The following LRP2 variants were observed in gnomAD, a reference collection of about 807,000 sequenced individuals.
LRP2 encodes LDL receptor related protein 2.
In LRP2, 172 loss-of-function variants were observed where a neutral mutation model predicts 531.0. That is an observed-to-expected ratio of 0.32 (90% CI 0.29 to 0.37). LRP2 has a LOEUF of 0.37. Among genes scored for constraint, LRP2 ranks in the 10% least tolerant of loss-of-function variants. The pLI is 1.00. For synonymous variants in LRP2, 1,992 were observed against 2,027.6 expected, an observed-to-expected ratio of 0.98 and a Z score of 0.47; for missense variants, 5,167 against 5,868.3, an observed-to-expected ratio of 0.88 and a Z score of 3.90.
At chr2:169,157,957 T>TAAATAAATAAAA (rs568534822) in intron 63 of LRP2, among the ~76,000 whole-genome samples, 5,704 of 145,878 alleles carry the variant, frequency 0.039, 173 homozygotes, top group Middle Eastern at 0.062. Context: ...AATAAATAAA[T>TAAATAAATAAAA]AAAAGACATG....
chr2:169,201,365 A>C (rs547840487), intron 44 of LRP2, among the ~76,000 whole-genome samples: 2 of 152,322 alleles, frequency 1.3e-5, no homozygotes, highest in African/African-American at 4.8e-5. Context: ...AGGCATTATA[A>C]TGGCATGGTA....
At chr2:169,261,804 T>C (rs149133693) in intron 16 of LRP2, among the ~76,000 whole-genome samples, 1,606 of 152,182 alleles carry the variant, frequency 0.011, 25 homozygotes, top group African/African-American at 0.037. Flanking sequence ...CAGAGCATTT[T>C]AGACCAATAT....
intron 19 of LRP2, among the ~76,000 whole-genome samples, chr2:169,255,493 C>G (rs992344974): frequency 1.2e-4 from 18 of 151,186 alleles, no homozygotes; most frequent in African/African-American, 3.4e-4. Flanking sequence ...GCAATCTTCA[C>G]TAGTAGCATG....
intron 29 of LRP2, 104 bp downstream of exon 29, chr2:169,235,736 T>G (rs1369709549): frequency 4.7e-6 from 4 of 852,802 alleles, no homozygotes; most frequent in South Asian, 4.3e-5. Context: ...GATCTGACAA[T>G]GTCTATGACA....
Position 169,289,212 on chromosome 2 carries a change from C to T in LRP2, c.923-67G>A, listed in dbSNP as rs186474194. On this transcript the variant is annotated intron_variant, in intron 8 of 78. Transcript: ENST00000649046. ...TGGACAAGACTGATTAATCTAATAG[C>T]TTCTTTTTCCATGAGTAGCAGCTCA... 160 of 1,595,656 alleles carry T rather than the reference C, an allele frequency of 1.0e-4. No homozygotes were observed. In the African/African-American group the frequency reaches 1.8e-3, roughly 18 times the overall value.
intron 1 of LRP2, among the ~76,000 whole-genome samples, chr2:169,347,299 T>C (rs557313476): frequency 7.2e-4 from 109 of 152,332 alleles, no homozygotes; most frequent in African/African-American, 2.6e-3. Flanking sequence ...TAGTGAGAGA[T>C]ACTTTGGGAC....
chr2:169,183,109 C>T (rs557454372), intron 50 of LRP2, among the ~76,000 whole-genome samples: 101 of 152,252 alleles, frequency 6.6e-4, no homozygotes, highest in Admixed American at 1.7e-3. Context: ...TTAAATGCAC[C>T]TATAGTGAGA....
In LRP2 at chr2:169,347,821, T is replaced by TTGAATGAA. The variant is rs113680574; in HGVS notation, c.79+14492_79+14499dup. Among the ~76,000 whole-genome samples, 1,355 of 152,194 alleles carry TTGAATGAA rather than the reference T, an allele frequency of 8.9e-3. 20 individuals are homozygous for TTGAATGAA. The highest frequency in any genetic ancestry group is 0.03 in the African/African-American group (1,239 of 41,506). ...GAGCATGATAAGGCTGCAACATATA[T>TTGAATGAA]TGAATGAATGAATGAATGAATGAAC... On this transcript the variant is annotated intron_variant, in intron 1 of 78. Transcript: ENST00000649046.
intron 16 of LRP2, among the ~76,000 whole-genome samples, chr2:169,262,394 A>C (rs1690596289): frequency 2.0e-5 from 1 of 49,388 alleles, no homozygotes. Flanking sequence ...AACTTCAGCA[A>C]AGTCTCAGGA....
intron 1 of LRP2, among the ~76,000 whole-genome samples, chr2:169,359,826 GA>G (rs1421404319): frequency 1.3e-5 from 2 of 151,926 alleles, no homozygotes; most frequent in African/African-American, 4.8e-5. Context: ...TTGTACAAAA[GA>G]AAAAAGAGAA....
At chr2:169,236,978 T>C in intron 28 of LRP2, 125 bp downstream of exon 28, 1 of 798,572 alleles carries the variant, frequency 1.3e-6, no homozygotes, top group Admixed American at 2.0e-5. Flanking sequence ...ACCTACCATG[T>C]TTAAACAAGG....
At chr2:169,242,040 T>G (rs1307541749) in intron 24 of LRP2, among the ~76,000 whole-genome samples, 1 of 152,242 alleles carries the variant, frequency 6.6e-6, no homozygotes, top group Non-Finnish European at 1.5e-5. Context: ...TTTTATGTTT[T>G]TAATGTGAAA....
At chr2:169,274,349 C>T (rs1277916332) in intron 14 of LRP2, among the ~76,000 whole-genome samples, 4 of 152,030 alleles carry the variant, frequency 2.6e-5, no homozygotes, top group African/African-American at 7.2e-5. Flanking sequence ...TTTGGGAAGC[C>T]GGGGCAGGAG....
chr2:169,156,895 A>T (rs1686351570), intron 64 of LRP2, among the ~76,000 whole-genome samples: 1 of 152,218 alleles, frequency 6.6e-6, no homozygotes, highest in South Asian at 2.1e-4. Context: ...AGTAAATTCA[A>T]ATACTAAAAG....
rs1161761339 is a variant in LRP2, at chr2:169,154,507, T to C, written c.12248A>G (p.Tyr4083Cys). 6.2e-7 allele frequency: 1 copy of C among 1,613,042 alleles called. No homozygotes were observed. ...RFSEYLQDEE[Y>C]IQAVDYDWDP... ...CCAATCATAATCAACAGCTTGGATA[T>C]ATTCCTCATCTTGAAGATACTCTGA... is the stretch of plus-strand genomic sequence containing the variant. The change falls in exon 66 of 79, where the codon TAT (tyrosine) becomes TGT (cysteine). Residue 4083 changes from tyrosine to cysteine, a missense_variant. Around this residue, in one of 6 missense-constraint regions of LRP2, gnomAD observed 564 missense variants for 747.7 expected, o/e 0.75. Transcript: ENST00000649046.
At chr2:169,331,835 G>A (rs937764653) in intron 1 of LRP2, among the ~76,000 whole-genome samples, 1 of 152,080 alleles carries the variant, frequency 6.6e-6, no homozygotes, top group Non-Finnish European at 1.5e-5. Flanking sequence ...ATTCCTATAC[G>A]GCTTTTTGAT....
At chr2:169,302,694 A>G (rs1327820282) in intron 4 of LRP2, among the ~76,000 whole-genome samples, 1 of 152,026 alleles carries the variant, frequency 6.6e-6, no homozygotes, top group Non-Finnish European at 1.5e-5. Flanking sequence ...ATCAGGGGAC[A>G]CAATGAACAC....
At position 169,241,114 on chromosome 2, in the gene LRP2, T is replaced by C; in HGVS notation, c.3919A>G (p.Thr1307Ala). 2 of 1,613,932 alleles carry C rather than the reference T, an allele frequency of 1.2e-6. No homozygotes were observed. Among genetic ancestry groups the C allele is most frequent in the Non-Finnish European group, 1.7e-6 (2 of 1,179,910 alleles). ...GDMSDEKDCP[T>A]QPFRCPSWQW... ...CAACTAGGACAGCGAAAGGGCTGAG[T>C]AGGGCAGTCCTTCTCATCACTCATA... The change falls in exon 25 of 79, where the codon ACT becomes GCT. Residue 1307 changes from threonine (T) to alanine (A), a missense_variant. Around this residue, in one of 6 missense-constraint regions of LRP2, gnomAD observed 2,811 missense variants for 3,058.0 expected, o/e 0.92. Transcript: ENST00000649046.
rs537914333 is a variant in LRP2, at chr2:169,277,712, A to G, written c.1772+33T>C. 1.5e-5 allele frequency: 24 copies of G among 1,585,532 alleles called. No homozygotes were observed. In the Admixed American group the frequency reaches 3.0e-4, roughly 20 times the overall value. ...ATTTTATGCACTTTCCCTGCAACTT[A>G]TAAAGCCATAAGCCATAAAAAATAC... On this transcript the variant is annotated intron_variant, in intron 13 of 78. Coordinates refer to ENST00000649046, the MANE Select transcript of LRP2 (RefSeq NM_004525.3).
Sources: gnomAD v4.1 joint callset for allele counts (sites outside exome capture counted in the v4.1 genomes callset) on GRCh38, gnomAD v4.1.1 for gene constraint, gnomAD v4.1.1 regional missense constraint, MANE v1.5 for transcripts, NCBI Gene and HGNC (gene_info 2026-07-23, HGNC 2026-07-21) for gene names.